The following RGS22 variants were observed in gnomAD, a reference collection of about 807,000 sequenced individuals.
The protein encoded by RGS22 is regulator of G-protein signaling 22.
In RGS22, 148 loss-of-function variants were observed where a neutral mutation model predicts 172.9. The observed-to-expected ratio is 0.86, with a 90% CI of 0.75 to 0.98. The LOEUF (loss-of-function observed/expected upper bound fraction) is 0.98. Among genes scored for constraint, RGS22 ranks in the 50% least tolerant of loss-of-function variants. The probability of loss-of-function intolerance (pLI) is 0.00; values close to 1 mark genes in which losing one functional copy is unlikely to be tolerated. For missense variants in RGS22, 1,347 were observed against 1,440.8 expected (o/e 0.93, Z 1.05); for synonymous variants, 458 against 480.2 (o/e 0.95, Z 0.60).
intron 3 of RGS22, among the ~76,000 whole-genome samples, chr8:100,090,421 TG>T (rs111286495): frequency 0.16 from 24,436 of 151,862 alleles, 2,588 homozygotes; most frequent in African/African-American, 0.3. Context: ...TAATGTGAAA[TG>T]AGATATAAAG....
At chr8:100,096,962 G>A (rs562350654) in intron 2 of RGS22, among the ~76,000 whole-genome samples, 1 of 152,278 alleles carries the variant, frequency 6.6e-6, no homozygotes, top group South Asian at 2.1e-4. Context: ...TCCAAAGGAA[G>A]GAAAGACGTT....
chr8:99,991,348 C>T (rs1023271070), intron 20 of RGS22, among the ~76,000 whole-genome samples: 1 of 152,066 alleles, frequency 6.6e-6, no homozygotes, highest in Admixed American at 6.6e-5. Flanking sequence ...GAACCCATCG[C>T]AAGGAAGCTA....
chr8:100,045,766 A>T (rs1043004856), intron 11 of RGS22, among the ~76,000 whole-genome samples: 3 of 151,260 alleles, frequency 2.0e-5, no homozygotes, highest in Non-Finnish European at 4.4e-5. Flanking sequence ...TTAATGTTGA[A>T]TAATTCAACT....
Position 100,025,843 on chromosome 8 carries a change from T to C in RGS22, c.2166+13088A>G, listed in dbSNP as rs1008115965. On this transcript the variant is annotated intron_variant, in intron 14 of 27. Coordinates refer to ENST00000360863, the MANE Select transcript of RGS22 (RefSeq NM_015668.5). The stretch of plus-strand genomic sequence containing the variant: ...GAAAACACTGTAAGAACAATCCAAA[T>C]TTTACGGGGGAGGAGCTACATAGTC... Among the ~76,000 whole-genome samples the C allele has an allele frequency of 2.0e-5, 3 of 152,196 alleles. No individual in the cohort carries two copies. The East Asian group carries it at 5.8e-4, about 29-fold the overall frequency.
In RGS22 at chr8:100,044,659, G is replaced by A. The variant is rs542259549; in HGVS notation, c.1824-2743C>T. 1.0e-4 allele frequency among the ~76,000 whole-genome samples: 12 copies of A among 115,972 alleles called. 1 individual carries two copies. In the South Asian group the frequency reaches 2.2e-3, roughly 21 times the overall value. The allele number at this position is 115,972 out of a possible 152,430, so 76.1% of individuals were successfully genotyped here. A position where few individuals can be genotyped will look rare whatever the true frequency, so the allele number is the denominator to read the frequency against. The stretch of plus-strand genomic sequence containing the variant: ...TTTTTTTTTCGGATTATCTTTTCTT[G>A]GTCTTCTCTTCAAGTTCCTTATTCT... On this transcript the variant is annotated intron_variant, in intron 11 of 27. Transcript: ENST00000360863.
At chr8:100,014,184 C>T (rs772466297) in intron 14 of RGS22, among the ~76,000 whole-genome samples, 3 of 152,202 alleles carry the variant, frequency 2.0e-5, no homozygotes, top group Non-Finnish European at 4.4e-5. Context: ...AGACATCTTT[C>T]CAATCCTAAG....
At chr8:100,082,891 T>C (rs1811868284) in intron 3 of RGS22, among the ~76,000 whole-genome samples, 1 of 152,166 alleles carries the variant, frequency 6.6e-6, no homozygotes. Context: ...TGAAGCAACA[T>C]GGTGTATGTG....
chr8:100,041,318 A>C (rs375156236), intron 12 of RGS22, among the ~76,000 whole-genome samples: 1 of 152,044 alleles, frequency 6.6e-6, no homozygotes, highest in Non-Finnish European at 1.5e-5. Flanking sequence ...GTGAAACCCC[A>C]TCTCTACTAA....
intron 7 of RGS22, 41 bp from the exon 8 acceptor site, chr8:100,064,084 A>G (rs1345988812): frequency 1.5e-6 from 2 of 1,368,710 alleles, no homozygotes; most frequent in Non-Finnish European, 1.9e-6. Flanking sequence ...AGATATGAAT[A>G]CAAACCTTTC....
At chr8:100,041,489 CAA>C (rs34208055) in intron 12 of RGS22, among the ~76,000 whole-genome samples, 1 of 142,334 alleles carries the variant, frequency 7.0e-6, no homozygotes, top group African/African-American at 2.6e-5. Flanking sequence ...GACTCTATCT[CAA>C]AAAAAAAAAA....
At chr8:100,036,333 T>C (rs543013787) in intron 14 of RGS22, among the ~76,000 whole-genome samples, 9 of 152,222 alleles carry the variant, frequency 5.9e-5, no homozygotes, top group South Asian at 4.1e-4. Flanking sequence ...TGTACTATTC[T>C]ATCTTGAAGC....
chr8:100,063,930 C>G lies in RGS22; in HGVS notation c.838G>C (p.Val280Leu). 6.3e-7 allele frequency: 1 copy of G among 1,594,650 alleles called. No homozygotes were observed. Among genetic ancestry groups the G allele is most frequent in the Non-Finnish European group, 8.5e-7 (1 of 1,170,648 alleles). ...TGAGAAGGAGTGTCTTGTAGAGATA[C>G]AGACACCTCTTCTTCTTCTCCTTCT... ...EEEGEEEEVS[V>L]SLQDTPSQAL... is the part of the protein sequence containing the mutation. Residue 280 changes from valine to leucine, a missense_variant, in exon 8 of 28, where the codon GTA (valine) becomes CTA (leucine). Physicochemically the swap from Val to Leu is conservative, Grantham distance 32 (BLOSUM62 1). Coordinates refer to ENST00000360863, the MANE Select transcript of RGS22 (RefSeq NM_015668.5).
chr8:99,992,478 T>C (rs564200723), intron 20 of RGS22, among the ~76,000 whole-genome samples: 120 of 152,196 alleles, frequency 7.9e-4, no homozygotes, highest in Non-Finnish European at 1.4e-3. Flanking sequence ...TAGTCTCTGA[T>C]AAAACAGACT....
intron 6 of RGS22, among the ~76,000 whole-genome samples, chr8:100,068,283 C>T (rs1810684513): frequency 6.6e-6 from 1 of 151,904 alleles, no homozygotes; most frequent in Non-Finnish European, 1.5e-5. Flanking sequence ...AGCTGGGAGG[C>T]TGAGGCGGGA....
At chr8:100,096,670 A>T (rs376544977) in intron 2 of RGS22, among the ~76,000 whole-genome samples, 5,391 of 137,958 alleles carry the variant, frequency 0.039, 292 homozygotes, top group African/African-American at 0.13. Flanking sequence ...ATTTAAAAAA[A>T]ATTTTTTTTT....
At position 100,040,031 on chromosome 8, in the gene RGS22, C is replaced by A. The variant is rs373867783; in HGVS notation, c.1995G>T (p.Leu665Phe). 11 of 1,609,312 alleles carry A rather than the reference C, an allele frequency of 6.8e-6. No individual in the cohort carries two copies. Among genetic ancestry groups the A allele is most frequent in the African/African-American group, 1.3e-5 (1 of 74,788 alleles). The change falls in exon 13 of 28, where the codon TTG becomes TTT. Residue 665 changes from leucine to phenylalanine, a missense_variant. Transcript: ENST00000360863. ...CTCTATTTTCTACATACAAAGATTG[C>A]AACAAATTTTCCATGTCAGATCCTC... ...ALGGSDMENL[L>F]QSLYVENRAG... is the part of the protein sequence containing the mutation.
rs1307314065 is a variant in RGS22, at chr8:100,062,724, G to C, written c.1381C>G (p.Leu461Val). The change falls in exon 9 of 28, where the codon CTA (leucine) becomes GTA (valine). Residue 461 changes from leucine to valine, a missense_variant. Leu to Val is a conservative substitution (Grantham distance 32). Transcript: ENST00000360863. The part of the protein sequence containing the change: ...RHLEKMKKCY[L>V]VSNGDYYLSA... ...AGGTAGTAATCTCCATTGCTCACTA[G>C]ATAGCATTTTTTCATCTTCTCAAGA... The C allele has an allele frequency of 6.2e-7, 1 of 1,600,844 alleles. No homozygotes were observed. Among genetic ancestry groups the C allele is most frequent in the Non-Finnish European group, 8.5e-7 (1 of 1,175,206 alleles).
intron 16 of RGS22, 161 bp from the exon 17 acceptor site, chr8:100,004,259 T>C: frequency 2.2e-6 from 1 of 451,708 alleles, no homozygotes; most frequent in Non-Finnish European, 2.9e-6. Flanking sequence ...AAGAATCTGA[T>C]TCAGATTCTA....
At chr8:100,075,162 G>A (rs983437837) in intron 4 of RGS22, among the ~76,000 whole-genome samples, 2 of 152,070 alleles carry the variant, frequency 1.3e-5, no homozygotes, top group African/African-American at 4.8e-5. Context: ...ATGGATATTT[G>A]CCTCCTCCAA....
Sources: gnomAD v4.1 joint callset for allele counts (sites outside exome capture counted in the v4.1 genomes callset) on GRCh38, gnomAD v4.1.1 for gene constraint, MANE v1.5 for transcripts, NCBI Gene and HGNC (gene_info 2026-07-23, HGNC 2026-07-21) for gene names.